EPHA5: variants seen among roughly 807,000 people sequenced by gnomAD.
EPHA5 encodes ephrin type-A receptor 5.
Under a neutral mutation model 105.0 loss-of-function variants are expected in EPHA5, and 60 were observed. The observed-to-expected ratio is 0.57, with a 90% CI of 0.46 to 0.71. EPHA5 has a LOEUF of 0.71. Among genes scored for constraint, EPHA5 ranks in the 30% least tolerant of loss-of-function variants. The pLI, the probability that EPHA5 is intolerant of heterozygous loss-of-function variation, is 0.00. For synonymous variants in EPHA5, 513 were observed against 449.1 expected (o/e 1.14, Z -1.80); for missense variants, 1,218 against 1,274.7 (o/e 0.96, Z 0.68).
At chr4:65,500,490 T>C (rs1219484298) in intron 3 of EPHA5, among the ~76,000 whole-genome samples, 6 of 151,204 alleles carry the variant, frequency 4.0e-5, no homozygotes, top group African/African-American at 1.5e-4. Context: ...TTAGCACCTA[T>C]TTAGAAATTT....
At position 65,428,318 on chromosome 4, in the gene EPHA5, A is replaced by T. The variant is rs112493465; in HGVS notation, c.1403-7753T>A. ...TTATAATACATAACATAAATTTTAT[A>T]TACTTACATACTTAGTATATCCTTC... On this transcript the variant is annotated intron_variant, in intron 5 of 16. Coordinates refer to ENST00000613740, the MANE Select transcript of EPHA5 (RefSeq NM_001281766.3). Among the ~76,000 whole-genome samples, 199 of 152,282 alleles carry T rather than the reference A, an allele frequency of 1.3e-3. 1 individual carries two copies. The highest frequency in any genetic ancestry group is 4.5e-3 in the African/African-American group (188 of 41,582).
At position 65,321,358 on chromosome 4, in the gene EPHA5, C is replaced by T. The variant is rs1719624797; in HGVS notation, c.*2756G>A. 1 of 230,210 alleles carries T rather than the reference C, an allele frequency of 4.3e-6. No individual in the cohort carries two copies. Among genetic ancestry groups the T allele is most frequent in the Admixed American group, 5.7e-5 (1 of 17,608 alleles). 14.3% of individuals were successfully genotyped at this position (230,210 alleles called of 1,614,324 possible). ...TGTTAAACTTTGCCTTGGATTATGG[C>T]CTCACTACATTTTACTAGAGTTGGC... On this transcript the variant is annotated 3_prime_UTR_variant, in exon 17 of 17. Transcript: ENST00000613740.
In EPHA5 at chr4:65,362,699, T is replaced by C. The variant is rs187516280; in HGVS notation, c.2173+2318A>G. On this transcript the variant is annotated intron_variant, in intron 11 of 16. Transcript: ENST00000613740. ...TTGACACTAGCTCCTAAAAAATGCA[T>C]ATACAATATATGAGAAATCTGTTTG... is the stretch of plus-strand genomic sequence containing the variant. Among the ~76,000 whole-genome samples the C allele has an allele frequency of 4.0e-4, 61 of 151,740 alleles. No homozygotes were observed. In the East Asian group the frequency reaches 5.8e-3, roughly 15 times the overall value.
At chr4:65,391,264 G>T (rs762575272) in intron 8 of EPHA5, among the ~76,000 whole-genome samples, 4 of 152,006 alleles carry the variant, frequency 2.6e-5, no homozygotes, top group South Asian at 2.1e-4. Flanking sequence ...ACTTGAAATA[G>T]AATATGCTTT....
At chr4:65,507,672 T>C (rs1211079271) in intron 3 of EPHA5, among the ~76,000 whole-genome samples, 1 of 152,178 alleles carries the variant, frequency 6.6e-6, no homozygotes, top group Non-Finnish European at 1.5e-5. Context: ...CCTATTTGTC[T>C]GTTATTCGTG....
intron 11 of EPHA5, among the ~76,000 whole-genome samples, chr4:65,358,797 A>C (rs1309026702): frequency 6.6e-6 from 1 of 151,562 alleles, no homozygotes; most frequent in East Asian, 1.9e-4. Context: ...ACCTCACCTG[A>C]GACAGGAGCA....
intron 5 of EPHA5, among the ~76,000 whole-genome samples, chr4:65,464,668 T>A (rs558593804): frequency 3.9e-5 from 6 of 152,256 alleles, no homozygotes; most frequent in African/African-American, 1.4e-4. Flanking sequence ...AGGGGGAATG[T>A]TGACAAAATT....
At chr4:65,391,486 T>G (rs1252694088) in intron 8 of EPHA5, among the ~76,000 whole-genome samples, 1 of 152,140 alleles carries the variant, frequency 6.6e-6, no homozygotes, top group Non-Finnish European at 1.5e-5. Flanking sequence ...CTTTGATTCA[T>G]TTTTCAACAA....
chr4:65,617,731 G>A (rs143917378), intron 2 of EPHA5, among the ~76,000 whole-genome samples: 3,719 of 152,196 alleles, frequency 0.024, 87 homozygotes, highest in Middle Eastern at 0.058. Context: ...ATGTTTTTAA[G>A]AGTTGATAGC....
At chr4:65,470,558 A>G (rs1256829987) in intron 5 of EPHA5, among the ~76,000 whole-genome samples, 1 of 152,208 alleles carries the variant, frequency 6.6e-6, no homozygotes, top group Non-Finnish European at 1.5e-5. Flanking sequence ...AACCATGTAC[A>G]TGAATACCAT....
chr4:65,508,465 G>A (rs754379011), intron 3 of EPHA5, among the ~76,000 whole-genome samples: 94 of 152,130 alleles, frequency 6.2e-4, no homozygotes, highest in Middle Eastern at 3.4e-3. Flanking sequence ...ATCTCTCCTT[G>A]TACTATTGGG....
intron 14 of EPHA5, among the ~76,000 whole-genome samples, chr4:65,345,515 T>G (rs1166444709): frequency 6.6e-6 from 1 of 152,194 alleles, no homozygotes; most frequent in Non-Finnish European, 1.5e-5. Context: ...AGAATGTGTG[T>G]CCCTCCAATA....
At chr4:65,669,383 A>G (rs1034871645) in intron 1 of EPHA5, 179 bp downstream of exon 1, 15 of 984,616 alleles carry the variant, frequency 1.5e-5, no homozygotes, top group Non-Finnish European at 1.8e-5. Flanking sequence ...CAAACAATGC[A>G]ACCAAAAACC....
At chr4:65,416,139 A>G (rs1267072175) in intron 6 of EPHA5, among the ~76,000 whole-genome samples, 3 of 152,126 alleles carry the variant, frequency 2.0e-5, no homozygotes, top group East Asian at 1.9e-4. Context: ...AATTTAACTT[A>G]AAGAAAAAAT....
chr4:65,597,062 C>T (rs11945443), intron 3 of EPHA5, among the ~76,000 whole-genome samples: 131,943 of 152,150 alleles, frequency 0.87, 57,607 homozygotes, highest in Non-Finnish European at 0.91. Context: ...ACATTTTCCT[C>T]GCTGTGCAAT....
intron 3 of EPHA5, among the ~76,000 whole-genome samples, chr4:65,519,432 G>T (rs1218067482): frequency 6.6e-6 from 1 of 151,994 alleles, no homozygotes; most frequent in African/African-American, 2.4e-5. Flanking sequence ...TACTGAAAGG[G>T]CAAAAACGGG....
chr4:65,445,033 G>C (rs1349908302), intron 5 of EPHA5, among the ~76,000 whole-genome samples: 1 of 151,952 alleles, frequency 6.6e-6, no homozygotes, highest in Non-Finnish European at 1.5e-5. Context: ...ATGTTACTGT[G>C]ATTTATGTTT....
intron 3 of EPHA5, among the ~76,000 whole-genome samples, chr4:65,498,816 G>C (rs954544363): frequency 6.6e-6 from 1 of 151,396 alleles, no homozygotes; most frequent in Non-Finnish European, 1.5e-5. Flanking sequence ...GATGTTTAGA[G>C]AGAAAAAAAA....
At chr4:65,549,690 T>C (rs1421701273) in intron 3 of EPHA5, among the ~76,000 whole-genome samples, 5 of 152,152 alleles carry the variant, frequency 3.3e-5, no homozygotes, top group Non-Finnish European at 7.4e-5. Flanking sequence ...TTAAAATTCT[T>C]ACTTCAAATA....
Sources: allele counts gnomAD v4.1 joint callset (sites outside exome capture counted in the v4.1 genomes callset), GRCh38; gene constraint gnomAD v4.1.1; transcripts MANE v1.5; gene names NCBI Gene and HGNC (gene_info 2026-07-23, HGNC 2026-07-21).